Variants in ZSCAN31 observed in about 807,000 individuals in gnomAD.
ZSCAN31 encodes zinc finger and SCAN domain-containing protein 31.
A neutral mutation model predicts 22.5 loss-of-function variants in ZSCAN31; 14 were observed. The ratio of observed to expected loss-of-function variants is 0.62; its 90% CI spans 0.41 to 0.97. The LOEUF (loss-of-function observed/expected upper bound fraction) is 0.97. Among genes scored for constraint, ZSCAN31 ranks in the 50% least tolerant of loss-of-function variants. The pLI, the probability that ZSCAN31 is intolerant of heterozygous loss-of-function variation, is 0.00. For synonymous variants in ZSCAN31, 168 were observed against 169.8 expected (o/e 0.99, Z 0.08); for missense variants, 424 against 483.4 (o/e 0.88, Z 1.15).
intron 2 of ZSCAN31, chr6:28,350,325 A>G (rs1419310529): frequency 2.0e-5 from 3 of 152,182 alleles, no homozygotes; most frequent in Non-Finnish European, 4.4e-5. Flanking sequence ...GACGGGATGC[A>G]TGGGTCACAT....
chr6:28,329,857 G>A, intron 1 of ZSCAN31, 79 bp from the exon 2 acceptor site: 1 of 668,110 alleles, frequency 1.5e-6, no homozygotes. Context: ...AAACATGAAT[G>A]GTATTCTATC....
At chr6:28,329,827 G>T in intron 1 of ZSCAN31, 49 bp from the exon 2 acceptor site, 1 of 967,658 alleles carries the variant, frequency 1.0e-6, no homozygotes, top group Non-Finnish European at 1.5e-6. Flanking sequence ...TAAAGTAGTG[G>T]GGAAAAAAGC....
upstream of ZSCAN31, among the ~76,000 whole-genome samples, chr6:28,354,661 A>G (rs1765304184): frequency 6.6e-6 from 1 of 152,256 alleles, no homozygotes; most frequent in South Asian, 2.1e-4. Context: ...AGCAATCACT[A>G]CATGGTGATG....
chr6:28,330,032 A>T (rs577673169), intron 1 of ZSCAN31, among the ~76,000 whole-genome samples: 11 of 152,312 alleles, frequency 7.2e-5, no homozygotes, highest in African/African-American at 2.6e-4. Context: ...ATTCAACAAT[A>T]TGACTTGATT....
intron 1 of ZSCAN31, chr6:28,335,815 T>C (rs904911854): frequency 3.3e-5 from 5 of 152,350 alleles, no homozygotes; most frequent in African/African-American, 1.2e-4. Context: ...TATTAAACTT[T>C]CGCTCTAACC....
rs770596363 is a variant in ZSCAN31 at position 28,325,868 on chromosome 6, A to G, written c.*298T>C. 4.1e-5 allele frequency: 10 copies of G among 245,176 alleles called. No homozygotes were observed. In the South Asian group the frequency reaches 6.3e-4, roughly 16 times the overall value. The allele number at this position is 245,176 out of a possible 1,614,324, so 15.2% of individuals were successfully genotyped here. A position where few individuals can be genotyped will look rare whatever the true frequency, so the allele number is the denominator to read the frequency against. On this transcript the variant is annotated 3_prime_UTR_variant, in exon 4 of 4. Transcript: ENST00000344279. ...GATAAGATTTGGTGCCTTTAAAGGA[A>G]ATCATAAGAAATGGACCAAAGGCTA... is the stretch of plus-strand genomic sequence containing the variant.
At chr6:28,340,491 TC>T (rs1315539573), upstream of ZSCAN31, among the ~76,000 whole-genome samples, 2 of 152,238 alleles carry the variant, frequency 1.3e-5, no homozygotes, top group African/African-American at 4.8e-5. Flanking sequence ...TTCTTCTCTC[TC>T]CTGCTGCCAT....
intron 2 of ZSCAN31, among the ~76,000 whole-genome samples, chr6:28,345,144 C>CAAAAA (rs60598517): frequency 0.035 from 3,280 of 93,412 alleles, 130 homozygotes; most frequent in African/African-American, 0.12. Flanking sequence ...AACTGTGTCT[C>CAAAAA]AAAAAAAAAA....
upstream of ZSCAN31, chr6:28,337,065 G>A (rs901722723): frequency 2.6e-5 from 4 of 152,242 alleles, no homozygotes; most frequent in Non-Finnish European, 4.4e-5. Context: ...AAGTACGTAT[G>A]TAGGAAATAA....
At chr6:28,340,347 C>G (rs190309907), upstream of ZSCAN31, among the ~76,000 whole-genome samples, 6 of 152,290 alleles carry the variant, frequency 3.9e-5, no homozygotes, top group East Asian at 1.2e-3. Flanking sequence ...TCCCATAATC[C>G]CCACATGTGG....
At chr6:28,340,900 GT>G (rs2113849841), upstream of ZSCAN31, among the ~76,000 whole-genome samples, 1 of 152,204 alleles carries the variant, frequency 6.6e-6, no homozygotes, top group East Asian at 1.9e-4. Flanking sequence ...TTAGGGTTTG[GT>G]TTTGGTTTTG....
At position 28,326,327 on chromosome 6, in the gene ZSCAN31, G is replaced by A. The variant is rs1306003481; in HGVS notation, c.1060C>T (p.Arg354Cys). 9.3e-6 allele frequency: 15 copies of A among 1,614,032 alleles called. No individual in the cohort carries two copies. The highest frequency in any genetic ancestry group is 1.2e-5 in the Non-Finnish European group (14 of 1,180,032). Residue 354 changes from arginine to cysteine, a missense_variant, in exon 4 of 4, where the codon CGT becomes TGT. Coordinates refer to ENST00000344279, the MANE Select transcript of ZSCAN31 (RefSeq NM_030899.5). ...TGAATGAAGGCTTTGCCACACTCAC[G>A]ACACTGATAGCGCTTCTCTCCAGTG... ...IHTGEKRYQC[R>C]ECGKAFIQNA... is the part of the protein sequence containing the mutation.
intron 2 of ZSCAN31, 69 bp from the exon 3 acceptor site, chr6:28,327,602 G>T: frequency 6.7e-7 from 1 of 1,491,830 alleles, no homozygotes; most frequent in Non-Finnish European, 9.1e-7. Context: ...CTAAATGAAA[G>T]ATATCACATG....
At chr6:28,354,074 T>C in intron 1 of ZSCAN31, 1 of 406,820 alleles carries the variant, frequency 2.5e-6, no homozygotes, top group Non-Finnish European at 4.9e-6. Context: ...CTGTGGCTCC[T>C]GCCGCTCCCA....
At chr6:28,332,934 C>T (rs1763871642) in intron 1 of ZSCAN31, among the ~76,000 whole-genome samples, 1 of 152,184 alleles carries the variant, frequency 6.6e-6, no homozygotes, top group Non-Finnish European at 1.5e-5. Flanking sequence ...AAACATTTGG[C>T]ATTGGGAGAT....
intron 2 of ZSCAN31, among the ~76,000 whole-genome samples, chr6:28,342,366 C>T (rs1338661854): frequency 6.6e-6 from 1 of 152,206 alleles, no homozygotes; most frequent in Admixed American, 6.5e-5. Context: ...CTAGTGTTCT[C>T]TACTTGCTTG....
chr6:28,336,531 A>C (rs144611047), upstream of ZSCAN31, among the ~76,000 whole-genome samples: 39 of 152,324 alleles, frequency 2.6e-4, no homozygotes, highest in African/African-American at 7.9e-4. Flanking sequence ...TGAGGCTTTT[A>C]TAATAAAGTT....
At chr6:28,356,211 C>G (rs1242821317), upstream of ZSCAN31, 1 of 152,276 alleles carries the variant, frequency 6.6e-6, no homozygotes, top group Non-Finnish European at 1.5e-5. Context: ...ACATTTCTGC[C>G]TGACTGCAGC....
chr6:28,329,178 G>T, intron 2 of ZSCAN31, 125 bp downstream of exon 2: 1 of 1,213,668 alleles, frequency 8.2e-7, no homozygotes, highest in Non-Finnish European at 1.1e-6. Context: ...GGCCATTAAG[G>T]TTTAGGGGTA....
Sources: gnomAD v4.1 joint callset for allele counts (sites outside exome capture counted in the v4.1 genomes callset) on GRCh38, gnomAD v4.1.1 for gene constraint, MANE v1.5 for transcripts, NCBI Gene and HGNC (gene_info 2026-07-23, HGNC 2026-07-21) for gene names.